COQ4: variants seen among roughly 807,000 people sequenced by gnomAD.
COQ4 encodes the protein coenzyme Q4.
COQ4 carries 36 observed loss-of-function variants against 30.2 expected under a neutral mutation model. The observed-to-expected ratio is 1.19, with a 90% CI of 0.91 to 1.57. The LOEUF is 1.57. COQ4 is among the 40% of genes most tolerant of loss of function. The pLI, the probability that COQ4 is intolerant of heterozygous loss-of-function variation, is 0.00. For missense variants in COQ4, 369 were observed against 371.9 expected (o/e 0.99, Z 0.07); for synonymous variants, 197 against 161.0 (o/e 1.22, Z -1.69).
chr9:128,328,192 A>G (rs574451029), intron 4 of COQ4, among the ~76,000 whole-genome samples: 40 of 152,274 alleles, frequency 2.6e-4, no homozygotes, highest in Non-Finnish European at 5.4e-4. Context: ...GTAGGCCACC[A>G]GAAGGAGGAG....
chr9:128,328,477 T>G (rs929400256), intron 4 of COQ4, among the ~76,000 whole-genome samples: 1 of 152,216 alleles, frequency 6.6e-6, no homozygotes, highest in East Asian at 1.9e-4. Flanking sequence ...GATCACTCTT[T>G]GTTGTGGGGG....
chr9:128,329,691 T>G (rs887629213), intron 4 of COQ4, among the ~76,000 whole-genome samples: 7 of 152,158 alleles, frequency 4.6e-5, no homozygotes, highest in Non-Finnish European at 8.8e-5. Context: ...TATCTATATC[T>G]GCAGTAATAA....
intron 5 of COQ4, 69 bp from the exon 6 acceptor site, chr9:128,332,781 C>T: frequency 1.7e-6 from 2 of 1,150,216 alleles, no homozygotes; most frequent in Non-Finnish European, 1.3e-6. Context: ...TCTCTTTACC[C>T]TGCTGTGAGC....
chr9:128,333,075 A>C, intron 6 of COQ4, 132 bp downstream of exon 6: 8 of 722,562 alleles, frequency 1.1e-5, no homozygotes, highest in Non-Finnish European at 2.0e-5. Context: ...CCAGGAAGTA[A>C]GGGTAGAAAG....
chr9:128,329,604 A>G (rs1389537459), intron 4 of COQ4, among the ~76,000 whole-genome samples: 1 of 152,186 alleles, frequency 6.6e-6, no homozygotes, highest in Non-Finnish European at 1.5e-5. Flanking sequence ...TCCTGACCTC[A>G]AGTGATCCGC....
At chr9:128,325,271 GC>G (rs766749239) in intron 3 of COQ4, 32 bp downstream of exon 3, 1 of 1,467,000 alleles carries the variant, frequency 6.8e-7, no homozygotes, top group Non-Finnish European at 9.5e-7. Flanking sequence ...GGGTCTGGGG[GC>G]ATTCTCTAGG....
chr9:128,332,197 TGAG>T lies in COQ4; in HGVS notation c.451_453del (p.Glu151del), dbSNP rs1387003146. The T allele has an allele frequency of 1.9e-6, 3 of 1,606,766 alleles. No homozygotes were observed. Among genetic ancestry groups the T allele is most frequent in the Non-Finnish European group, 2.5e-6 (3 of 1,176,830 alleles). On this transcript the variant is annotated inframe_deletion, in exon 5 of 7. Transcript: ENST00000300452. Reference sequence around the variant, plus strand: ...GAGCACCCACCCGCTTCGTGGATGATGAGGAGCTAGCGTATGTGATTCAGCGGT... The same window carrying T: ...GAGCACCCACCCGCTTCGTGGATGATGAGCTAGCGTATGTGATTCAGCGGT...
At position 128,322,875 on chromosome 9, in the gene COQ4, G is replaced by T. The variant is rs371409929; in HGVS notation, c.17G>T (p.Arg6Leu). Residue 6 changes from arginine to leucine, a missense_variant, in exon 1 of 7, where the codon CGC becomes CTC. Physicochemically the swap from Arg to Leu is moderately radical, Grantham distance 102 (BLOSUM62 -2). Coordinates refer to ENST00000300452, the MANE Select transcript of COQ4 (RefSeq NM_016035.5). The part of the protein sequence containing the change: MATLL[R>L]PVLRRLCGLP... ...CCCGCTGCCATGGCGACTCTGCTGC[G>T]CCCTGTCCTCCGTCGGCTCTGCGGG... is the stretch of plus-strand genomic sequence containing the variant. The T allele has an allele frequency of 1.3e-6, 2 of 1,581,670 alleles. No individual in the cohort carries two copies. The highest frequency in any genetic ancestry group is 1.7e-4 in the Middle Eastern group (1 of 5,996).
At chr9:128,329,515 G>A (rs1385921439) in intron 4 of COQ4, among the ~76,000 whole-genome samples, 2 of 152,192 alleles carry the variant, frequency 1.3e-5, no homozygotes, top group East Asian at 1.9e-4. Context: ...GACTACAGGC[G>A]CACGCCACCA....
At position 128,332,195 on chromosome 9, in the gene COQ4, G is replaced by C. The variant is rs138560167; in HGVS notation, c.445G>C (p.Asp149His). 3.4e-5 allele frequency: 54 copies of C among 1,605,632 alleles called. No individual in the cohort carries two copies. The highest frequency in any genetic ancestry group is 6.7e-5 in the African/African-American group (5 of 74,824). ...CCGAGCACCCACCCGCTTCGTGGAT[G>C]ATGAGGAGCTAGCGTATGTGATTCA... The part of the protein sequence containing the change: ...DTRAPTRFVD[D>H]EELAYVIQRY... The change falls in exon 5 of 7, where the codon GAT (aspartate) becomes CAT (histidine). Residue 149 changes from aspartate (D) to histidine (H), a missense_variant. Asp to His is a moderately conservative substitution (Grantham distance 81). Coordinates refer to ENST00000300452, the MANE Select transcript of COQ4 (RefSeq NM_016035.5).
At chr9:128,324,119 G>A (rs1344765355) in intron 2 of COQ4, among the ~76,000 whole-genome samples, 3 of 152,058 alleles carry the variant, frequency 2.0e-5, no homozygotes, top group Non-Finnish European at 4.4e-5. Flanking sequence ...GAGTAGCTGG[G>A]ATTACAGGCC....
chr9:128,332,587 G>A (rs1832432896), intron 5 of COQ4: 3 of 584,066 alleles, frequency 5.1e-6, no homozygotes, highest in Admixed American at 6.0e-5. Flanking sequence ...ATCCTGGAGT[G>A]TTTAGCCTGG....
At chr9:128,330,580 G>A (rs1832389367) in intron 4 of COQ4, 1 of 151,542 alleles carries the variant, frequency 6.6e-6, no homozygotes, top group African/African-American at 2.4e-5. Context: ...TGCAACCTCT[G>A]CCTTCTGGGA....
Position 128,332,136 on chromosome 9 carries a change from A to G in COQ4, c.403-17A>G, listed in dbSNP as rs1387827699. 14 of 1,556,230 alleles carry G rather than the reference A, an allele frequency of 9.0e-6. No individual in the cohort carries two copies. The highest frequency in any genetic ancestry group is 1.2e-5 in the Non-Finnish European group (14 of 1,149,496). On this transcript the variant is annotated splice_polypyrimidine_tract_variant and intron_variant, in intron 4 of 6. Coordinates refer to ENST00000300452, the MANE Select transcript of COQ4 (RefSeq NM_016035.5). The stretch of plus-strand genomic sequence containing the variant: ...GAACCATCAGGAAGGGTTCTAGGGG[A>G]GGCTCATGGTTGTCAGAGGGTCTCC...
intron 5 of COQ4, chr9:128,332,568 G>A: frequency 1.7e-6 from 1 of 581,884 alleles, no homozygotes; most frequent in Non-Finnish European, 3.1e-6. Context: ...CCTAAGGCCT[G>A]CAGGAACCAT....
intron 2 of COQ4, among the ~76,000 whole-genome samples, chr9:128,324,781 A>C (rs1399263616): frequency 7.0e-6 from 1 of 143,348 alleles, no homozygotes; most frequent in African/African-American, 3.0e-5. Context: ...ATGTGAAGCA[A>C]TTTGTACTAG....
chr9:128,322,966 G>A (rs780144314), intron 1 of COQ4, 38 bp downstream of exon 1: 14 of 1,605,676 alleles, frequency 8.7e-6, no homozygotes, highest in East Asian at 4.5e-5. Flanking sequence ...GCGGGAAGGA[G>A]CCTGAGGGCG....
At chr9:128,323,601 A>G (rs565039602) in intron 2 of COQ4, 10 of 376,464 alleles carry the variant, frequency 2.7e-5, no homozygotes, top group South Asian at 2.6e-4. Flanking sequence ...AGGGTTCTAC[A>G]GTGTTTTTCT....
In COQ4 at chr9:128,333,620, C is replaced by G. The variant is rs1332924435; in HGVS notation, c.773C>G (p.Pro258Arg). Reference protein sequence around the residue: ...LREELGITAPPMHVQGLA With the variant: ...LREELGITAPRMHVQGLA ...GAGGAGCTGGGCATTACAGCACCAC[C>G]CATGCACGTCCAGGGCTTGGCCTGA... Residue 258 changes from proline (P) to arginine (R), a missense_variant, in exon 7 of 7, where the codon CCC (proline) becomes CGC (arginine). Transcript: ENST00000300452. 6.3e-7 allele frequency: 1 copy of G among 1,583,930 alleles called. No homozygotes were observed. The highest frequency in any genetic ancestry group is 1.8e-5 in the Admixed American group (1 of 54,976).
Sources: gnomAD v4.1 joint callset for allele counts (sites outside exome capture counted in the v4.1 genomes callset) on GRCh38, gnomAD v4.1.1 for gene constraint, MANE v1.5 for transcripts, NCBI Gene and HGNC (gene_info 2026-07-23, HGNC 2026-07-21) for gene names.